Variants in MOV10L1 observed in about 807,000 individuals in gnomAD.
MOV10L1 encodes RNA helicase Mov10l1.
MOV10L1 carries 110 observed loss-of-function variants against 143.8 expected under a neutral mutation model. The ratio of observed to expected loss-of-function variants is 0.76; its 90% CI spans 0.66 to 0.90. The LOEUF (loss-of-function observed/expected upper bound fraction) is 0.90. MOV10L1 is among the 40% of genes least tolerant of loss of function. MOV10L1 has a pLI of 0.00. For missense variants in MOV10L1, 1,406 were observed against 1,526.8 expected (o/e 0.92, Z 1.32); for synonymous variants, 593 against 581.1 (o/e 1.02, Z -0.29).
chr22:50,116,945 C>T (rs963651801), intron 8 of MOV10L1, among the ~76,000 whole-genome samples: 3 of 152,142 alleles, frequency 2.0e-5, no homozygotes, highest in South Asian at 2.1e-4. Flanking sequence ...CCTGAGCCAC[C>T]GCACCGGGCC....
chr22:50,160,434 T>C lies in MOV10L1; in HGVS notation c.3325-254T>C, dbSNP rs555392413. Among the ~76,000 whole-genome samples the C allele has an allele frequency of 1.8e-4, 27 of 151,662 alleles. 1 individual carries two copies. The highest frequency in any genetic ancestry group is 6.8e-3 in the Middle Eastern group (2 of 294). On this transcript the variant is annotated intron_variant, in intron 24 of 26. Transcript: ENST00000262794. ...GCTAATTTTTTTTTTTTTGTATTTT[T>C]AGTAGAGACGGGGTTTCACCATGTT...
At position 50,144,326 on chromosome 22, in the gene MOV10L1, G is replaced by A. The variant is rs1388098696; in HGVS notation, c.2505+83G>A. On this transcript the variant is annotated intron_variant, in intron 18 of 26. Transcript: ENST00000262794. ...ATGCCAAGTGGACAGGGGAGGGCAG[G>A]GGTAGGAGGGTGGGCACAGAGGCGC... 6.8e-6 allele frequency: 10 copies of A among 1,471,098 alleles called. No individual in the cohort carries two copies. In the South Asian group the frequency reaches 8.0e-5, roughly 12 times the overall value. 91.1% of individuals were successfully genotyped at this position (1,471,098 alleles called of 1,614,324 possible).
rs907840498 is a variant in MOV10L1 at position 50,158,191 on chromosome 22, G to A, written c.3201G>A (p.Thr1067=). Residue 1067 remains threonine (T), a synonymous_variant, in exon 23 of 27, where the codon ACG becomes ACA. Transcript: ENST00000262794. The surrounding 1 kb of genome is among the most constrained non-coding windows in gnomAD (Gnocchi z 5.0). ...QVSASDIGVI[T]PYRKQVEKIR... ...CTGCCAGCGACATTGGCGTCATCAC[G>A]CCCTACCGGAAGCAGGTACGCCCTG... 6.8e-6 allele frequency: 11 copies of A among 1,614,004 alleles called. No individual in the cohort carries two copies. The highest frequency in any genetic ancestry group is 2.2e-5 in the South Asian group (2 of 91,092).
At chr22:50,144,635 G>A (rs1350891986) in intron 18 of MOV10L1, among the ~76,000 whole-genome samples, 1 of 151,284 alleles carries the variant, frequency 6.6e-6, no homozygotes, top group Non-Finnish European at 1.5e-5. Flanking sequence ...AGGCTGAAGT[G>A]CAGTGGCATG....
At position 50,158,266 on chromosome 22, in the gene MOV10L1, C is replaced by G. The variant is rs764109206; in HGVS notation, c.3216+60C>G. ...GTCCCTGCAGCCCTGCTCCTTGGCT[C>G]CTGCAGCTCCACAGAGGCAGGAACA... On this transcript the variant is annotated intron_variant, in intron 23 of 26. Coordinates refer to ENST00000262794, the MANE Select transcript of MOV10L1 (RefSeq NM_018995.3). The surrounding 1 kb of genome is among the most constrained non-coding windows in gnomAD (Gnocchi z 5.0). 2 of 1,597,394 alleles carry G rather than the reference C, an allele frequency of 1.3e-6. No individual in the cohort carries two copies. The highest frequency in any genetic ancestry group is 2.7e-5 in the African/African-American group (2 of 74,530).
Position 50,092,051 on chromosome 22 carries a change from G to A in MOV10L1, c.148G>A (p.Asp50Asn), listed in dbSNP as rs1464686822. ...GGGTGTCGTGACAAGGTACTGCAGCGATTATGGCATGATTGATGATATGAT... is the reference window on the plus strand; with the variant it reads ...GGGTGTCGTGACAAGGTACTGCAGCAATTATGGCATGATTGATGATATGAT... The part of the protein sequence containing the change: ...VRGVVTRYCS[D>N]YGMIDDMIYF... The change falls in exon 2 of 27, where the codon GAT becomes AAT. Residue 50 changes from aspartate to asparagine, a missense_variant. This residue lies in a region of MOV10L1 where 166 missense variants were observed against 153.9 expected (regional missense o/e 1.08). Transcript: ENST00000262794. The A allele has an allele frequency of 6.2e-6, 10 of 1,614,180 alleles. No homozygotes were observed. The highest frequency in any genetic ancestry group is 3.3e-5 in the South Asian group (3 of 91,082).
chr22:50,117,091 G>A (rs1221417859), intron 8 of MOV10L1, 66 bp from the exon 9 acceptor site: 5 of 1,474,940 alleles, frequency 3.4e-6, no homozygotes, highest in Non-Finnish European at 4.6e-6. Context: ...TATGTACAAA[G>A]GAAAATTGTG....
chr22:50,098,566 C>A (rs147423260), intron 2 of MOV10L1, among the ~76,000 whole-genome samples: 389 of 152,180 alleles, frequency 2.6e-3, no homozygotes, highest in African/African-American at 8.9e-3. Context: ...GTATGGAAAT[C>A]TGATTTTTGT....
intron 13 of MOV10L1, among the ~76,000 whole-genome samples, chr22:50,131,000 C>G (rs1486406398): frequency 6.6e-6 from 1 of 152,056 alleles, no homozygotes; most frequent in East Asian, 1.9e-4. Flanking sequence ...AGGTTCACAC[C>G]ATTCTCCTGC....
chr22:50,125,008 T>TGTTA (rs1455362398), intron 10 of MOV10L1, among the ~76,000 whole-genome samples: 2 of 152,244 alleles, frequency 1.3e-5, no homozygotes, highest in Admixed American at 1.3e-4. Context: ...ATCTGGTCCT[T>TGTTA]GTTAGTCCAC....
intron 15 of MOV10L1, among the ~76,000 whole-genome samples, chr22:50,141,283 G>A (rs563936624): frequency 1.3e-4 from 20 of 151,772 alleles, no homozygotes; most frequent in Middle Eastern, 3.4e-3. Context: ...TGATCTGCCC[G>A]CCTCAGCCTC....
intron 3 of MOV10L1, among the ~76,000 whole-genome samples, chr22:50,107,496 T>G (rs563870464): frequency 6.6e-6 from 1 of 152,368 alleles, no homozygotes; most frequent in Non-Finnish European, 1.5e-5. Flanking sequence ...ACACTTTTTT[T>G]TTTTTGAGCT....
rs1219958026 is a variant in MOV10L1, at chr22:50,090,194, CGGGAGGCGGCT to C, written c.97+19_97+29del. 2 of 1,413,684 alleles carry C rather than the reference CGGGAGGCGGCT, an allele frequency of 1.4e-6. No homozygotes were observed. The highest frequency in any genetic ancestry group is 1.5e-5 in the African/African-American group (1 of 66,592). 87.6% of individuals were successfully genotyped at this position (1,413,684 alleles called of 1,614,324 possible). On this transcript the variant is annotated intron_variant, in intron 1 of 26. Transcript: ENST00000262794. ...GCCCGAGCTCGCGGAAGGTGGCTCG[CGGGAGGCGGCT>C]GGGAGGCGGGTCCCGGGCCCTCGCG... is the stretch of plus-strand genomic sequence containing the variant.
intron 22 of MOV10L1, among the ~76,000 whole-genome samples, chr22:50,155,924 A>T (rs1049847960): frequency 7.9e-5 from 12 of 152,124 alleles, no homozygotes; most frequent in African/African-American, 2.4e-4. Flanking sequence ...GGTGGTGCAC[A>T]CTTGTGGTCC....
Position 50,090,522 on chromosome 22 carries a change from G to A in MOV10L1, c.97+337G>A, listed in dbSNP as rs759279711. 1.8e-5 allele frequency: 29 copies of A among 1,607,272 alleles called. No homozygotes were observed. The South Asian group carries it at 2.9e-4, about 16-fold the overall frequency. ...AGCGTCATTGGCGGTGGTGTGTCTA[G>A]AAAGCCCCGAAAAACGCGGCCCCGC... On this transcript the variant is annotated intron_variant, in intron 1 of 26. Transcript: ENST00000262794.
intron 6 of MOV10L1, among the ~76,000 whole-genome samples, chr22:50,114,153 T>C (rs988186760): frequency 1.1e-4 from 16 of 151,742 alleles, no homozygotes; most frequent in Middle Eastern, 3.4e-3. Flanking sequence ...CTCCTGACCT[T>C]GTGATTTGCC....
At chr22:50,126,531 A>G (rs2062511521) in intron 12 of MOV10L1, among the ~76,000 whole-genome samples, 1 of 152,238 alleles carries the variant, frequency 6.6e-6, no homozygotes, top group Non-Finnish European at 1.5e-5. Flanking sequence ...GTATTTGGGC[A>G]TTCTGAATGT....
chr22:50,106,168 GT>G (rs1010149588), intron 3 of MOV10L1, among the ~76,000 whole-genome samples: 1 of 152,014 alleles, frequency 6.6e-6, no homozygotes, highest in Admixed American at 6.6e-5. Flanking sequence ...GCTTGTTTTT[GT>G]TTTTTAGAGA....
chr22:50,126,260 C>T lies in MOV10L1; in HGVS notation c.1806C>T (p.Ser602=), dbSNP rs755021462. The part of the protein sequence containing the change: ...EYNGHAIEYI[S]YVTEIHEEDV... ...ATGGACATGCCATCGAATACATCAGCTACGTGACTGAGGTGAGAGCACTCT... is the reference window on the plus strand; with the variant it reads ...ATGGACATGCCATCGAATACATCAGTTACGTGACTGAGGTGAGAGCACTCT... The change falls in exon 12 of 27, where the codon AGC becomes AGT. Residue 602 remains serine, a synonymous_variant. Transcript: ENST00000262794. 1 of 1,611,826 alleles carries T rather than the reference C, an allele frequency of 6.2e-7. No individual in the cohort carries two copies. Among genetic ancestry groups the T allele is most frequent in the Non-Finnish European group, 8.5e-7 (1 of 1,177,954 alleles).
Sources: allele counts gnomAD v4.1 joint callset (sites outside exome capture counted in the v4.1 genomes callset), GRCh38; gene constraint gnomAD v4.1.1; regional missense constraint gnomAD v4.1.1; non-coding constraint Gnocchi (gnomAD v3.1); transcripts MANE v1.5; gene names NCBI Gene and HGNC (gene_info 2026-07-23, HGNC 2026-07-21).